The following MSI2 variants were observed in gnomAD, a reference collection of about 807,000 sequenced individuals.
The protein encoded by MSI2 is RNA-binding protein Musashi homolog 2.
Under a neutral mutation model 45.6 loss-of-function variants are expected in MSI2, and 17 were observed. That is an observed-to-expected ratio of 0.37 (90% confidence interval 0.26 to 0.56). The LOEUF (loss-of-function observed/expected upper bound fraction) is 0.56, where lower values mean the gene tolerates loss of function less well. MSI2 is among the 20% of genes least tolerant of loss of function. MSI2 has a pLI of 0.77. For synonymous variants in MSI2, 156 were observed against 158.2 expected (o/e 0.99, Z 0.11); for missense variants, 293 against 444.2 (o/e 0.66, Z 3.06).
rs1158390251 is a variant in MSI2 at position 57,611,853 on chromosome 17, G to A, written c.538-4117G>A. Among the ~76,000 whole-genome samples, 3 of 95,016 alleles carry A rather than the reference G, an allele frequency of 3.2e-5. 1 individual carries two copies. Among genetic ancestry groups the A allele is most frequent in the African/African-American group, 9.8e-5 (3 of 30,538 alleles). 62.3% of individuals were successfully genotyped at this position (95,016 alleles called of 152,430 possible). A position where few individuals can be genotyped will look rare whatever the true frequency, so the allele number is the denominator to read the frequency against. On this transcript the variant is annotated intron_variant, in intron 8 of 13. Coordinates refer to ENST00000284073, the MANE Select transcript of MSI2 (RefSeq NM_138962.4). ...TCACCACCTGACCACAGCGCCATGA[G>A]ACCACCAGCAAGAGCCCAGCTGAGC...
intron 6 of MSI2, among the ~76,000 whole-genome samples, chr17:57,510,556 T>C (rs976767019): frequency 6.6e-6 from 1 of 152,004 alleles, no homozygotes. Context: ...GCCTCCCAAG[T>C]AGCTGGGATT....
At position 57,683,704 on chromosome 17, in the gene MSI2, C is replaced by G; in HGVS notation, c.*4187C>G. ...TTTTTTTTTTTTCTTGAATGTGCTT[C>G]GCAAGCCAGGCTATCTTCCAAGGAA... is the stretch of plus-strand genomic sequence containing the variant. On this transcript the variant is annotated 3_prime_UTR_variant, in exon 14 of 14. Coordinates refer to ENST00000284073, the MANE Select transcript of MSI2 (RefSeq NM_138962.4). This position sits in a 1 kb window ranked among gnomAD's most constrained non-coding sequence, Gnocchi z 5.2. 4.5e-6 allele frequency: 1 copy of G among 224,642 alleles called. No individual in the cohort carries two copies. 13.9% of individuals were successfully genotyped at this position (224,642 alleles called of 1,614,324 possible).
chr17:57,390,196 A>G (rs533417548), intron 5 of MSI2, among the ~76,000 whole-genome samples: 39 of 152,320 alleles, frequency 2.6e-4, no homozygotes, highest in African/African-American at 9.4e-4. Flanking sequence ...TTAAGGCTGC[A>G]GTGAGCTATA....
chr17:57,653,745 C>A (rs1267228164), intron 11 of MSI2, among the ~76,000 whole-genome samples: 3 of 152,076 alleles, frequency 2.0e-5, no homozygotes, highest in Non-Finnish European at 2.9e-5. Flanking sequence ...CCTCTCTCCC[C>A]ACCCCACCCC....
chr17:57,287,132 T>TG (rs1286682311), intron 5 of MSI2, among the ~76,000 whole-genome samples: 1 of 145,266 alleles, frequency 6.9e-6, no homozygotes, highest in Non-Finnish European at 1.5e-5. Flanking sequence ...CAAAAAGTTG[T>TG]TTTTTTTTTT....
In MSI2 at chr17:57,552,726, C is replaced by T. The variant is rs750179432; in HGVS notation, c.454+23002C>T. Among the ~76,000 whole-genome samples the T allele has an allele frequency of 5.3e-5, 8 of 152,260 alleles. No individual in the cohort carries two copies. The highest frequency in any genetic ancestry group is 1.2e-4 in the Non-Finnish European group (8 of 68,048). ...CCCCAACATGGGGGAACACTGGTCT[C>T]TTCTTTCTGTGACTGGTCATCTTTT... On this transcript the variant is annotated intron_variant, in intron 7 of 13. Transcript: ENST00000284073. This position sits in a 1 kb window ranked among gnomAD's most constrained non-coding sequence, Gnocchi z 4.3.
intron 7 of MSI2, among the ~76,000 whole-genome samples, chr17:57,591,105 TC>T (rs1904786947): frequency 6.6e-6 from 1 of 151,938 alleles, no homozygotes; most frequent in Non-Finnish European, 1.5e-5. Flanking sequence ...GCAAAGGGAG[TC>T]TCTGGGGCAC....
At chr17:57,476,851 C>T (rs1347230530) in intron 6 of MSI2, among the ~76,000 whole-genome samples, 2 of 152,158 alleles carry the variant, frequency 1.3e-5, no homozygotes, top group African/African-American at 4.8e-5. Flanking sequence ...TTTTCCAGAG[C>T]CAAGTAAGGA....
intron 5 of MSI2, among the ~76,000 whole-genome samples, chr17:57,283,382 A>G (rs575554235): frequency 6.6e-6 from 1 of 152,268 alleles, no homozygotes; most frequent in Admixed American, 6.5e-5. Context: ...CTGACCCATT[A>G]AAGACTTTTT....
intron 9 of MSI2, among the ~76,000 whole-genome samples, chr17:57,623,914 G>C (rs1206972758): frequency 6.6e-6 from 1 of 152,228 alleles, no homozygotes; most frequent in East Asian, 1.9e-4. Context: ...GCCTGACCTA[G>C]AGGATGTTCG....
Position 57,596,632 on chromosome 17 carries a change from C to T in MSI2, c.455-236C>T, listed in dbSNP as rs1905268210. On this transcript the variant is annotated intron_variant, in intron 7 of 13. Transcript: ENST00000284073. This position sits in a 1 kb window ranked among gnomAD's most constrained non-coding sequence, Gnocchi z 4.6. ...TGTTTGCTTCGGGGCAAATGTAAAC[C>T]ACACAGTGCCCGCTGCATGTGGGTG... Among the ~76,000 whole-genome samples the T allele has an allele frequency of 6.6e-6, 1 of 152,214 alleles. No homozygotes were observed. Among genetic ancestry groups the T allele is most frequent in the African/African-American group, 2.4e-5 (1 of 41,454 alleles).
chr17:57,450,322 A>AGAAAGAAAGAAAGAAAGAAAGAAAG (rs1567831014), intron 6 of MSI2: 3 of 148,314 alleles, frequency 2.0e-5, no homozygotes, highest in African/African-American at 7.4e-5. Flanking sequence ...AAAGAAAGAA[A>AGAAAGAAAGAAAGAAAGAAAGAAAG]ACCTTTGTTA....
At chr17:57,293,586 TG>T (rs1338742700) in intron 5 of MSI2, among the ~76,000 whole-genome samples, 1 of 63,414 alleles carries the variant, frequency 1.6e-5, no homozygotes, top group Non-Finnish European at 4.0e-5. Context: ...AGTGCTTTAT[TG>T]TTTTTTTGTT....
intron 6 of MSI2, among the ~76,000 whole-genome samples, chr17:57,402,192 C>T (rs932654446): frequency 6.6e-6 from 1 of 152,126 alleles, no homozygotes; most frequent in African/African-American, 2.4e-5. Context: ...GAGATGGTGC[C>T]TTGAGAGTGG....
intron 11 of MSI2, among the ~76,000 whole-genome samples, chr17:57,668,505 A>G (rs1598509747): frequency 6.6e-6 from 1 of 152,170 alleles, no homozygotes; most frequent in Non-Finnish European, 1.5e-5. Flanking sequence ...GAATCAGGTT[A>G]AGTTTTGAGA....
At chr17:57,318,327 G>A (rs901072887) in intron 5 of MSI2, among the ~76,000 whole-genome samples, 4 of 151,894 alleles carry the variant, frequency 2.6e-5, no homozygotes, top group Non-Finnish European at 2.9e-5. Context: ...CTCTTTCATC[G>A]GAGCCTTTCC....
intron 6 of MSI2, among the ~76,000 whole-genome samples, chr17:57,467,139 G>A (rs1295726421): frequency 6.6e-6 from 1 of 152,172 alleles, no homozygotes; most frequent in East Asian, 1.9e-4. Flanking sequence ...GCACAGATTG[G>A]GAAAAAATAA....
At chr17:57,283,413 A>G (rs143269257) in intron 5 of MSI2, among the ~76,000 whole-genome samples, 1 of 151,838 alleles carries the variant, frequency 6.6e-6, no homozygotes, top group Non-Finnish European at 1.5e-5. Flanking sequence ...CCCGCCTCCA[A>G]CTTCAGGGGG....
At chr17:57,689,143 G>A (rs1913935719), downstream of MSI2, among the ~76,000 whole-genome samples, 1 of 151,518 alleles carries the variant, frequency 6.6e-6, no homozygotes, top group Non-Finnish European at 1.5e-5. Context: ...TCTGGGAAGA[G>A]AAAGTCAATT....
Sources: allele counts gnomAD v4.1 joint callset (sites outside exome capture counted in the v4.1 genomes callset), GRCh38; gene constraint gnomAD v4.1.1; non-coding constraint Gnocchi (gnomAD v3.1); transcripts MANE v1.5; gene names NCBI Gene and HGNC (gene_info 2026-07-23, HGNC 2026-07-21).